The following AK9 variants were observed in gnomAD, a reference collection of about 807,000 sequenced individuals.
The protein encoded by AK9 is adenylate kinase 9, also known as adenylate kinase domain containing 1.
AK9 carries 191 observed loss-of-function variants against 239.6 expected under a neutral mutation model. The ratio of observed to expected loss-of-function variants is 0.80; its 90% confidence interval spans 0.71 to 0.90. The LOEUF (loss-of-function observed/expected upper bound fraction) is 0.90, where lower values mean the gene tolerates loss of function less well. Ranked by LOEUF, AK9 falls within the 40% of genes least tolerant of loss-of-function variation. The pLI is 0.00. For missense variants in AK9, 1,995 were observed against 2,214.7 expected, an observed-to-expected ratio of 0.90 and a Z score of 1.99; for synonymous variants, 689 against 721.0, an observed-to-expected ratio of 0.96 and a Z score of 0.71.
intron 27 of AK9, among the ~76,000 whole-genome samples, chr6:109,539,167 G>A (rs1434235860): frequency 6.6e-6 from 1 of 152,044 alleles, no homozygotes; most frequent in African/African-American, 2.4e-5. Context: ...GCTAGGTTGG[G>A]GAAATTCTCC....
chr6:109,604,425 G>T (rs575759343), intron 17 of AK9, among the ~76,000 whole-genome samples: 1 of 152,070 alleles, frequency 6.6e-6, no homozygotes, highest in Admixed American at 6.6e-5. Flanking sequence ...TTGATAGAAA[G>T]TGAGAATCTA....
chr6:109,685,577 CG>C (rs767372089), intron 1 of AK9, among the ~76,000 whole-genome samples: 54 of 129,628 alleles, frequency 4.2e-4, no homozygotes, highest in Non-Finnish European at 7.4e-4. Flanking sequence ...TGGGGCCTTT[CG>C]GGGGTGGGGG....
intron 10 of AK9, among the ~76,000 whole-genome samples, chr6:109,639,861 A>G (rs141945221): frequency 0.085 from 13,012 of 152,204 alleles, 906 homozygotes; most frequent in African/African-American, 0.19. Flanking sequence ...TCAGCTTTCT[A>G]CATATGGCTA....
chr6:109,519,824 T>C (rs1779652741), intron 29 of AK9, among the ~76,000 whole-genome samples: 1 of 145,556 alleles, frequency 6.9e-6, no homozygotes, highest in Non-Finnish European at 1.5e-5. Context: ...GGTATCTCAC[T>C]GTGGTTTTGA....
intron 37 of AK9, 97 bp from the exon 38 acceptor site, chr6:109,497,660 G>T: frequency 7.5e-7 from 1 of 1,329,036 alleles, no homozygotes; most frequent in Non-Finnish European, 1.0e-6. Flanking sequence ...TTCTACCTAT[G>T]TAGCTCAAGG....
intron 27 of AK9, among the ~76,000 whole-genome samples, chr6:109,541,801 T>C (rs1782926197): frequency 6.6e-6 from 1 of 152,230 alleles, no homozygotes; most frequent in Non-Finnish European, 1.5e-5. Flanking sequence ...AACCTGAGGG[T>C]ACTGAAAAAT....
intron 12 of AK9, among the ~76,000 whole-genome samples, chr6:109,628,102 T>C (rs1795746499): frequency 6.6e-6 from 1 of 152,134 alleles, no homozygotes; most frequent in Admixed American, 6.6e-5. Flanking sequence ...TTAATCTAGG[T>C]TGTGGTCCTT....
intron 17 of AK9, among the ~76,000 whole-genome samples, chr6:109,606,900 T>C (rs1481777961): frequency 6.6e-6 from 1 of 152,268 alleles, no homozygotes; most frequent in Admixed American, 6.5e-5. Flanking sequence ...TCATTATTTC[T>C]ATATTTTTAA....
intron 26 of AK9, among the ~76,000 whole-genome samples, chr6:109,543,596 T>C (rs1330839491): frequency 6.6e-6 from 1 of 151,976 alleles, no homozygotes; most frequent in African/African-American, 2.4e-5. Flanking sequence ...TACAGGCATG[T>C]GTCACCACGC....
intron 8 of AK9, among the ~76,000 whole-genome samples, chr6:109,648,694 C>T (rs1275479468): frequency 2.0e-5 from 3 of 152,178 alleles, no homozygotes; most frequent in Admixed American, 6.5e-5. Flanking sequence ...CCTTCTGAAA[C>T]TATTCCAATC....
chr6:109,672,649 G>A (rs961724530), intron 3 of AK9, among the ~76,000 whole-genome samples: 1 of 152,030 alleles, frequency 6.6e-6, no homozygotes, highest in Non-Finnish European at 1.5e-5. Flanking sequence ...TCATGTCACT[G>A]CACTCCAGCC....
intron 24 of AK9, among the ~76,000 whole-genome samples, chr6:109,561,577 G>C (rs2128180555): frequency 6.6e-6 from 1 of 152,250 alleles, no homozygotes; most frequent in East Asian, 1.9e-4. Flanking sequence ...GCCTCCCAAA[G>C]TGCTGGGATT....
At chr6:109,654,950 C>G (rs1799480934) in intron 8 of AK9, among the ~76,000 whole-genome samples, 1 of 152,204 alleles carries the variant, frequency 6.6e-6, no homozygotes, top group Non-Finnish European at 1.5e-5. Flanking sequence ...ATTGTAGGGT[C>G]TTACCCTTTA....
At chr6:109,627,953 A>G (rs1795730961) in intron 12 of AK9, among the ~76,000 whole-genome samples, 2 of 152,066 alleles carry the variant, frequency 1.3e-5, no homozygotes, top group Non-Finnish European at 2.9e-5. Flanking sequence ...CTGAACTTCT[A>G]TTTTATGCTT....
intron 18 of AK9, 58 bp downstream of exon 18, chr6:109,585,858 C>G: frequency 6.1e-6 from 9 of 1,472,298 alleles, no homozygotes; most frequent in Non-Finnish European, 8.2e-6. Flanking sequence ...CTATATTTAA[C>G]CAAAAATATC....
At chr6:109,533,591 A>T in intron 27 of AK9, 121 bp from the exon 28 acceptor site, 1 of 675,776 alleles carries the variant, frequency 1.5e-6, no homozygotes, top group Non-Finnish European at 2.2e-6. Context: ...CCTTGAATAT[A>T]TACATTCTTT....
At position 109,546,070 on chromosome 6, in the gene AK9, C is replaced by T. The variant is rs1286876155; in HGVS notation, c.3022G>A (p.Gly1008Arg). The T allele has an allele frequency of 5.0e-6, 8 of 1,599,434 alleles. No individual in the cohort carries two copies. Among genetic ancestry groups the T allele is most frequent in the Admixed American group, 1.7e-5 (1 of 59,462 alleles). The change falls in exon 26 of 41, where the codon GGA (glycine) becomes AGA (arginine). Residue 1008 changes from glycine (G) to arginine (R), a missense_variant. Gly to Arg is a moderately radical substitution (Grantham distance 125). Transcript: ENST00000424296. ...GPQGSGKTMC[G>R]RQLAEKLNIF... Reference sequence around the variant, plus strand: ...TTTAATTTTTCTGCCAACTGTCTTCCACACATAGTTTTGCCAGAGCCCTGG... The same window carrying T: ...TTTAATTTTTCTGCCAACTGTCTTCTACACATAGTTTTGCCAGAGCCCTGG...
intron 10 of AK9, among the ~76,000 whole-genome samples, chr6:109,639,982 G>A (rs1490485426): frequency 1.3e-5 from 2 of 152,156 alleles, no homozygotes; most frequent in Non-Finnish European, 2.9e-5. Flanking sequence ...TATTTCTGAG[G>A]CCTTTGTTCT....
chr6:109,498,618 G>C (rs1481791066), intron 36 of AK9, among the ~76,000 whole-genome samples: 1 of 152,216 alleles, frequency 6.6e-6, no homozygotes, highest in Non-Finnish European at 1.5e-5. Context: ...GGTATACAAA[G>C]AGTTCTAGTG....
Sources: allele counts gnomAD v4.1 joint callset (sites outside exome capture counted in the v4.1 genomes callset), GRCh38; gene constraint gnomAD v4.1.1; transcripts MANE v1.5; gene names NCBI Gene and HGNC (gene_info 2026-07-23, HGNC 2026-07-21).